Variants in TCERG1L observed in about 807,000 individuals in gnomAD.
The protein encoded by TCERG1L is transcription elongation regulator 1-like protein.
A neutral mutation model predicts 56.3 loss-of-function variants in TCERG1L; 37 were observed. The ratio of observed to expected loss-of-function variants is 0.66; its 90% CI spans 0.51 to 0.87. The LOEUF (loss-of-function observed/expected upper bound fraction) is 0.87. Ranked by LOEUF, TCERG1L falls within the 40% of genes least tolerant of loss-of-function variation. The pLI is 0.00. For synonymous variants in TCERG1L, 324 were observed against 326.3 expected (o/e 0.99, Z 0.08); for missense variants, 799 against 774.2 (o/e 1.03, Z -0.38).
intron 4 of TCERG1L, among the ~76,000 whole-genome samples, chr10:131,231,520 G>C (rs1206792567): frequency 1.3e-5 from 2 of 152,164 alleles, no homozygotes; most frequent in African/African-American, 2.4e-5. Flanking sequence ...TTGTGGCTCT[G>C]CCGAATCCTT....
At chr10:131,241,433 C>T (rs1295778733) in intron 4 of TCERG1L, among the ~76,000 whole-genome samples, 2 of 151,978 alleles carry the variant, frequency 1.3e-5, no homozygotes, top group Non-Finnish European at 2.9e-5. Context: ...GAGGAAGCAC[C>T]TGTGACATGC....
chr10:131,259,508 T>C (rs1846210647), intron 4 of TCERG1L, among the ~76,000 whole-genome samples: 1 of 152,178 alleles, frequency 6.6e-6, no homozygotes, highest in Non-Finnish European at 1.5e-5. Context: ...GATGTCTGGG[T>C]CACGAAGCGT....
At chr10:131,197,873 T>C (rs1012803051) in intron 4 of TCERG1L, among the ~76,000 whole-genome samples, 10 of 152,250 alleles carry the variant, frequency 6.6e-5, no homozygotes, top group African/African-American at 2.4e-4. Flanking sequence ...GAAATTGGCA[T>C]AATCTTTAGA....
At chr10:131,132,021 T>C (rs1300173625) in intron 8 of TCERG1L, among the ~76,000 whole-genome samples, 1 of 152,134 alleles carries the variant, frequency 6.6e-6, no homozygotes, top group Non-Finnish European at 1.5e-5. Flanking sequence ...CAAAATGCCA[T>C]GTTGATGCTG....
At chr10:131,149,307 A>G (rs1339679348) in intron 6 of TCERG1L, among the ~76,000 whole-genome samples, 1 of 152,034 alleles carries the variant, frequency 6.6e-6, no homozygotes, top group African/African-American at 2.4e-5. Flanking sequence ...CAACTACAGC[A>G]GACTCCACAC....
At chr10:131,231,942 G>A (rs970311014) in intron 4 of TCERG1L, among the ~76,000 whole-genome samples, 13 of 152,146 alleles carry the variant, frequency 8.5e-5, no homozygotes, top group African/African-American at 2.9e-4. Flanking sequence ...AAGGAAGGCC[G>A]TAGGAAGTTG....
At chr10:131,116,385 C>T (rs1267084320) in intron 9 of TCERG1L, among the ~76,000 whole-genome samples, 1 of 152,186 alleles carries the variant, frequency 6.6e-6, no homozygotes, top group African/African-American at 2.4e-5. Flanking sequence ...CCCATCTGTG[C>T]AGTGGGTGCT....
intron 4 of TCERG1L, among the ~76,000 whole-genome samples, chr10:131,253,855 T>C (rs1846139164): frequency 6.6e-6 from 1 of 152,066 alleles, no homozygotes; most frequent in Admixed American, 6.5e-5. Context: ...CAGTGGTGAA[T>C]AGATATGGGA....
chr10:131,284,762 C>T (rs1272044783), intron 3 of TCERG1L, among the ~76,000 whole-genome samples: 1 of 151,818 alleles, frequency 6.6e-6, no homozygotes, highest in East Asian at 1.9e-4. Context: ...CAATCTCATA[C>T]CAAAGGCAAT....
chr10:131,120,290 C>A (rs1361490199), intron 8 of TCERG1L, among the ~76,000 whole-genome samples: 1 of 152,152 alleles, frequency 6.6e-6, no homozygotes, highest in African/African-American at 2.4e-5. Flanking sequence ...TGCACAAATC[C>A]AAGACCCAGT....
intron 4 of TCERG1L, among the ~76,000 whole-genome samples, chr10:131,170,286 T>C (rs1222994788): frequency 2.0e-5 from 3 of 152,116 alleles, no homozygotes; most frequent in Non-Finnish European, 4.4e-5. Context: ...CATGCTTAAG[T>C]ACTCTTTGCT....
chr10:131,116,012 G>C (rs536838949), intron 9 of TCERG1L, among the ~76,000 whole-genome samples: 5 of 152,200 alleles, frequency 3.3e-5, no homozygotes, highest in African/African-American at 4.8e-5. Context: ...AAGTCTGAAA[G>C]GCCATTTGCG....
intron 4 of TCERG1L, among the ~76,000 whole-genome samples, chr10:131,181,544 C>T (rs1025403509): frequency 2.0e-5 from 3 of 152,244 alleles, no homozygotes; most frequent in African/African-American, 7.2e-5. Context: ...GTGCCATGCA[C>T]AGGTGTGCCC....
chr10:131,102,170 A>T (rs1845310990), intron 10 of TCERG1L, among the ~76,000 whole-genome samples: 1 of 152,266 alleles, frequency 6.6e-6, no homozygotes, highest in Non-Finnish European at 1.5e-5. Context: ...CACATATTTT[A>T]AAATATTTCT....
At chr10:131,129,441 G>A (rs928609414) in intron 8 of TCERG1L, among the ~76,000 whole-genome samples, 2 of 152,242 alleles carry the variant, frequency 1.3e-5, no homozygotes, top group Non-Finnish European at 2.9e-5. Flanking sequence ...AAACGCTGGC[G>A]TTGAGCTGAT....
chr10:131,138,148 A>C (rs1845695953), intron 7 of TCERG1L, among the ~76,000 whole-genome samples: 1 of 152,184 alleles, frequency 6.6e-6, no homozygotes, highest in African/African-American at 2.4e-5. Context: ...ACATGTCTGT[A>C]ATCTCAGCTA....
chr10:131,102,731 A>T (rs1845315830), intron 10 of TCERG1L, among the ~76,000 whole-genome samples: 2 of 152,114 alleles, frequency 1.3e-5, no homozygotes, highest in African/African-American at 4.8e-5. Context: ...GACCGCACAC[A>T]TGGAGTCTAA....
chr10:131,266,192 A>G (rs1399836189), intron 3 of TCERG1L, among the ~76,000 whole-genome samples: 1 of 152,214 alleles, frequency 6.6e-6, no homozygotes. Context: ...GATTTCAGCA[A>G]TTCAGTCACA....
chr10:131,254,907 T>A (rs1185608748), intron 4 of TCERG1L, among the ~76,000 whole-genome samples: 1 of 152,180 alleles, frequency 6.6e-6, no homozygotes, highest in Non-Finnish European at 1.5e-5. Flanking sequence ...AACACTTCCT[T>A]ATAGAGCGGT....
Sources: gnomAD v4.1 joint callset for allele counts (sites outside exome capture counted in the v4.1 genomes callset) on GRCh38, gnomAD v4.1.1 for gene constraint, MANE v1.5 for transcripts, NCBI Gene and HGNC (gene_info 2026-07-23, HGNC 2026-07-21) for gene names.